The following NUDC variants were observed in gnomAD, a reference collection of about 807,000 sequenced individuals.
NUDC encodes nuclear distribution C, dynein complex regulator, also known as nuclear migration protein nudC.
In NUDC, 14 loss-of-function variants were observed where a neutral mutation model predicts 45.0. That is an observed-to-expected ratio of 0.31 (90% CI 0.21 to 0.49). The LOEUF is 0.49. NUDC is among the 20% of genes least tolerant of loss of function. NUDC has a pLI of 0.99. For missense variants in NUDC, 323 were observed against 426.2 expected (o/e 0.76, Z 2.13); for synonymous variants, 153 against 156.7 (o/e 0.98, Z 0.17).
chr1:26,939,603 T>A (rs542000728), intron 2 of NUDC, among the ~76,000 whole-genome samples: 32 of 151,792 alleles, frequency 2.1e-4, no homozygotes, highest in African/African-American at 7.0e-4. Flanking sequence ...GCCTCAAAAA[T>A]AATAATAATA....
At chr1:26,943,588 ACTT>A (rs1405670701) in intron 6 of NUDC, among the ~76,000 whole-genome samples, 1 of 152,170 alleles carries the variant, frequency 6.6e-6, no homozygotes, top group Non-Finnish European at 1.5e-5. Flanking sequence ...TTCTAAAGCC[ACTT>A]CTTTTTCACT....
intron 3 of NUDC, among the ~76,000 whole-genome samples, chr1:26,914,414 G>C (rs1465120211): frequency 6.6e-6 from 1 of 152,194 alleles, no homozygotes; most frequent in African/African-American, 2.4e-5. Flanking sequence ...CAACCTGGAA[G>C]TGCCTTATCA....
At chr1:26,905,147 T>C (rs970057873) in intron 2 of NUDC, among the ~76,000 whole-genome samples, 1 of 131,866 alleles carries the variant, frequency 7.6e-6, no homozygotes, top group African/African-American at 2.7e-5. Flanking sequence ...CTATTATTAT[T>C]ATTATTATTA....
At chr1:26,945,344 T>G (rs2082309556) in intron 6 of NUDC, 46 bp from the exon 7 acceptor site, 1 of 1,510,490 alleles carries the variant, frequency 6.6e-7, no homozygotes, top group Non-Finnish European at 9.2e-7. Flanking sequence ...TGATTCCTGG[T>G]GCACAGAGCA....
At chr1:26,919,763 C>T (rs1483201911), upstream of NUDC, among the ~76,000 whole-genome samples, 1 of 152,134 alleles carries the variant, frequency 6.6e-6, no homozygotes, top group African/African-American at 2.4e-5. Context: ...CTCATGGCAT[C>T]TCTGATATCA....
intron 2 of NUDC, among the ~76,000 whole-genome samples, chr1:26,905,165 T>A (rs1330136697): frequency 1.4e-4 from 20 of 138,348 alleles, no homozygotes; most frequent in South Asian, 2.3e-4. Context: ...TTATTTTTTT[T>A]TTTTTTTTTT....
intron 2 of NUDC, among the ~76,000 whole-genome samples, chr1:26,932,964 AAT>A (rs1491094597): frequency 3.3e-5 from 5 of 150,990 alleles, no homozygotes; most frequent in African/African-American, 4.9e-5. Flanking sequence ...TATATATCAC[AAT>A]TTTTTTTTTT....
rs12239963 is a variant in NUDC, at chr1:26,946,825, A to C, written c.*644A>C. The C allele has an allele frequency of 0.041, 6,424 of 157,544 alleles. 426 individuals are homozygous for C. The highest frequency in any genetic ancestry group is 0.14 in the African/African-American group (6,013 of 41,540). The allele number at this position is 157,544 out of a possible 1,614,324, so 9.8% of individuals were successfully genotyped here. ...CGAGATTGCACTACTTCACTCCAGC[A>C]TGGGTGACAGAGACTCCATCTCAAA... On this transcript the variant is annotated 3_prime_UTR_variant, in exon 9 of 9. Transcript: ENST00000321265.
At chr1:26,911,754 T>C (rs1570712063) in intron 3 of NUDC, 9 of 1,514,010 alleles carry the variant, frequency 5.9e-6, no homozygotes, top group East Asian at 4.6e-5. Flanking sequence ...GCTTGCCCCC[T>C]CCAGGAGCAT....
rs201540580 is a variant in NUDC at position 26,946,313 on chromosome 1, G to A, written c.*132G>A. On this transcript the variant is annotated 3_prime_UTR_variant, in exon 9 of 9. Transcript: ENST00000321265. ...GGACTGGCCCAGGCACACAGGTCCCGGGGCATCAGGAGAAAGGCTGGGTCT... is the reference window on the plus strand; with the variant it reads ...GGACTGGCCCAGGCACACAGGTCCCAGGGCATCAGGAGAAAGGCTGGGTCT... 2.4e-5 allele frequency: 19 copies of A among 803,268 alleles called. No homozygotes were observed. The highest frequency in any genetic ancestry group is 3.5e-4 in the Middle Eastern group (1 of 2,888). The allele number at this position is 803,268 out of a possible 1,614,324, so 49.8% of individuals were successfully genotyped here.
At chr1:26,932,561 G>T (rs1408418700) in intron 2 of NUDC, among the ~76,000 whole-genome samples, 1 of 152,074 alleles carries the variant, frequency 6.6e-6, no homozygotes, top group African/African-American at 2.4e-5. Context: ...GGGCTCAAGT[G>T]ATCTGCCTGA....
chr1:26,900,513 G>A (rs2081973079), intron 1 of NUDC: 4 of 1,313,838 alleles, frequency 3.0e-6, no homozygotes, highest in East Asian at 4.7e-5. Context: ...CAGCCCCTGC[G>A]TTGCGAGATT....
chr1:26,933,124 C>T (rs978801392), intron 2 of NUDC, among the ~76,000 whole-genome samples: 4 of 151,782 alleles, frequency 2.6e-5, no homozygotes, highest in Admixed American at 6.6e-5. Context: ...TTATTAGAGT[C>T]GGGGTTTTAC....
chr1:26,903,900 A>G (rs1433809470), intron 2 of NUDC, among the ~76,000 whole-genome samples: 1 of 151,022 alleles, frequency 6.6e-6, no homozygotes, highest in South Asian at 2.1e-4. Flanking sequence ...AGTCCCAGCT[A>G]CTCGGGAGGC....
Position 26,946,392 on chromosome 1 carries a change from C to G in NUDC, c.*211C>G. ...CTGTTACACATTAAAACGATTTGCC[C>G]AGCTCCTTCTGTGTCCTCTCTTGCC... is the stretch of plus-strand genomic sequence containing the variant. On this transcript the variant is annotated 3_prime_UTR_variant, in exon 9 of 9. Transcript: ENST00000321265. The G allele has an allele frequency of 1.7e-6, 1 of 596,772 alleles. No homozygotes were observed. The highest frequency in any genetic ancestry group is 3.0e-6 in the Non-Finnish European group (1 of 331,288). The allele number at this position is 596,772 out of a possible 1,614,324, so 37.0% of individuals were successfully genotyped here.
intron 2 of NUDC, among the ~76,000 whole-genome samples, chr1:26,928,246 A>AT (rs1024445929): frequency 6.6e-6 from 1 of 152,106 alleles, no homozygotes; most frequent in African/African-American, 2.4e-5. Flanking sequence ...TGCTACATGA[A>AT]TTTTTTTTGG....
At chr1:26,941,395 A>C (rs935225516) in intron 2 of NUDC, 62 bp from the exon 3 acceptor site, 79 of 1,560,064 alleles carry the variant, frequency 5.1e-5, no homozygotes, top group Non-Finnish European at 6.0e-5. Flanking sequence ...GTGGGGCTGG[A>C]CTCCAGGCTG....
chr1:26,905,404 T>C (rs1262894171), intron 2 of NUDC, among the ~76,000 whole-genome samples: 1 of 149,992 alleles, frequency 6.7e-6, no homozygotes, highest in East Asian at 2.0e-4. Flanking sequence ...CAGGTGATCC[T>C]CCTGCCTCAG....
rs534684686 is a variant in NUDC, at chr1:26,942,725, C to T, written c.495C>T (p.Asn165=). Reference sequence around the variant, plus strand: ...GAAAACTGAAGCCCAACCTAGGCAACGGGGCAGACCTGCCCAATTACCGCT... The same window carrying T: ...GAAAACTGAAGCCCAACCTAGGCAATGGGGCAGACCTGCCCAATTACCGCT... ...DKGKLKPNLG[N]GADLPNYRWT... The change falls in exon 5 of 9, where the codon AAC becomes AAT. Residue 165 remains asparagine, a synonymous_variant. Transcript: ENST00000321265. The T allele has an allele frequency of 1.1e-4, 171 of 1,614,204 alleles. 2 individuals carry two copies. In the South Asian group the frequency reaches 1.6e-3, roughly 16 times the overall value.
Sources: allele counts gnomAD v4.1 joint callset (sites outside exome capture counted in the v4.1 genomes callset), GRCh38; gene constraint gnomAD v4.1.1; transcripts MANE v1.5; gene names NCBI Gene and HGNC (gene_info 2026-07-23, HGNC 2026-07-21).